Variants in RALGAPA1 observed in about 807,000 individuals in gnomAD.
The protein encoded by RALGAPA1 is Ral GTPase activating protein catalytic subunit alpha 1, also known as ral GTPase-activating protein subunit alpha-1.
In RALGAPA1, 52 loss-of-function variants were observed where a neutral mutation model predicts 269.6. That is an observed-to-expected ratio of 0.19 (90% CI 0.15 to 0.24). RALGAPA1 has a LOEUF of 0.24. Ranked by LOEUF, RALGAPA1 falls within the 10% of genes least tolerant of loss-of-function variation. RALGAPA1 has a pLI of 1.00. For synonymous variants in RALGAPA1, 817 were observed against 1,008.3 expected, an observed-to-expected ratio of 0.81 and a Z score of 3.60; for missense variants, 1,917 against 3,013.9, an observed-to-expected ratio of 0.64 and a Z score of 8.52.
At chr14:35,591,460 C>A (rs1273779886) in intron 37 of RALGAPA1, among the ~76,000 whole-genome samples, 1 of 152,028 alleles carries the variant, frequency 6.6e-6, no homozygotes, top group Non-Finnish European at 1.5e-5. Context: ...GGACTATAGG[C>A]ACATGCTACC....
At chr14:35,617,018 A>G (rs1430699736) in intron 35 of RALGAPA1, among the ~76,000 whole-genome samples, 1 of 152,236 alleles carries the variant, frequency 6.6e-6, no homozygotes, top group Non-Finnish European at 1.5e-5. Flanking sequence ...CAATAATGAT[A>G]ATAATAACTA....
chr14:35,636,563 C>T lies in RALGAPA1; in HGVS notation c.5677-965G>A, dbSNP rs367981744. Reference sequence around the variant, plus strand: ...TTTGAGACAGTCTTGCTCTGTCACCCAGGCTGGAGTGCAGTGGCATGATCT... The same window carrying T: ...TTTGAGACAGTCTTGCTCTGTCACCTAGGCTGGAGTGCAGTGGCATGATCT... On this transcript the variant is annotated intron_variant, in intron 31 of 41. Transcript: ENST00000680220. Among the ~76,000 whole-genome samples, 7 of 152,268 alleles carry T rather than the reference C, an allele frequency of 4.6e-5. No individual in the cohort carries two copies. In the East Asian group the frequency reaches 7.7e-4, roughly 17 times the overall value.
At chr14:35,711,455 T>A (rs894339325) in intron 16 of RALGAPA1, among the ~76,000 whole-genome samples, 1 of 152,228 alleles carries the variant, frequency 6.6e-6, no homozygotes, top group Non-Finnish European at 1.5e-5. Context: ...CCAAGTCTTC[T>A]TTTTCTTTTT....
intron 39 of RALGAPA1, among the ~76,000 whole-genome samples, chr14:35,567,941 G>A (rs2056844746): frequency 6.6e-6 from 1 of 152,106 alleles, no homozygotes; most frequent in Admixed American, 6.5e-5. Context: ...TGAAATGACA[G>A]AGGACACTCT....
intron 37 of RALGAPA1, among the ~76,000 whole-genome samples, chr14:35,584,525 A>G (rs1410830578): frequency 2.0e-5 from 3 of 152,210 alleles, no homozygotes; most frequent in Non-Finnish European, 4.4e-5. Flanking sequence ...TCTGCCTTCC[A>G]AAGTGCTGGG....
rs572824117 is a variant in RALGAPA1 at position 35,704,437 on chromosome 14, A to G, written c.2267-4135T>C. Reference sequence around the variant, plus strand: ...AGATAAAAGGATTATATCATGCTTAATATCTTTTAAATGCAGGTAAGTTCC... The same window carrying G: ...AGATAAAAGGATTATATCATGCTTAGTATCTTTTAAATGCAGGTAAGTTCC... On this transcript the variant is annotated intron_variant, in intron 16 of 41. Coordinates refer to ENST00000680220, the MANE Select transcript of RALGAPA1 (RefSeq NM_001346249.2). 6.6e-5 allele frequency among the ~76,000 whole-genome samples: 10 copies of G among 152,302 alleles called. 1 individual carries two copies. The South Asian group carries it at 2.1e-3, about 32-fold the overall frequency.
At chr14:35,691,083 AATAATAATT>A (rs1230833066) in intron 17 of RALGAPA1, among the ~76,000 whole-genome samples, 1 of 149,510 alleles carries the variant, frequency 6.7e-6, no homozygotes, top group Non-Finnish European at 1.5e-5. Context: ...TAATAATAAT[AATAATAATT>A]ATTATTATTA....
At chr14:35,661,445 G>T (rs537042451) in intron 27 of RALGAPA1, among the ~76,000 whole-genome samples, 1 of 152,178 alleles carries the variant, frequency 6.6e-6, no homozygotes, top group Non-Finnish European at 1.5e-5. Flanking sequence ...AGCAAACAGA[G>T]AAAACAAAAT....
At chr14:35,643,797 T>C (rs1312808203) in intron 31 of RALGAPA1, among the ~76,000 whole-genome samples, 1 of 152,110 alleles carries the variant, frequency 6.6e-6, no homozygotes, top group Non-Finnish European at 1.5e-5. Context: ...AAGACAAACA[T>C]TGCATGCTCT....
chr14:35,589,476 A>C (rs538302556), intron 37 of RALGAPA1, among the ~76,000 whole-genome samples: 2 of 152,178 alleles, frequency 1.3e-5, no homozygotes, highest in Non-Finnish European at 2.9e-5. Flanking sequence ...GCTATTCCAC[A>C]GTGTTTACAT....
chr14:35,633,652 C>T (rs931718454), intron 33 of RALGAPA1, among the ~76,000 whole-genome samples: 18 of 152,026 alleles, frequency 1.2e-4, no homozygotes, highest in Non-Finnish European at 2.1e-4. Flanking sequence ...TAAAAACAGG[C>T]GGTAGCAATG....
intron 39 of RALGAPA1, among the ~76,000 whole-genome samples, chr14:35,557,566 C>T (rs1447283919): frequency 6.6e-6 from 1 of 152,128 alleles, no homozygotes. Flanking sequence ...TAGGCATAGA[C>T]ACTGGACTTT....
At chr14:35,781,575 AATCT>A (rs34164383) in intron 1 of RALGAPA1, among the ~76,000 whole-genome samples, 93,635 of 150,658 alleles carry the variant, frequency 0.62, 32,011 homozygotes, top group Non-Finnish European at 0.77. Context: ...TAGAAAACTG[AATCT>A]ATCTATCTAT....
chr14:35,764,529 T>TTTTA (rs368091853), intron 4 of RALGAPA1, among the ~76,000 whole-genome samples: 3,436 of 151,796 alleles, frequency 0.023, 74 homozygotes, highest in African/African-American at 0.059. Flanking sequence ...TGCAGATAAG[T>TTTTA]TTTATTTATT....
At chr14:35,716,994 T>G (rs1488016002) in intron 16 of RALGAPA1, among the ~76,000 whole-genome samples, 1 of 152,182 alleles carries the variant, frequency 6.6e-6, no homozygotes, top group East Asian at 1.9e-4. Flanking sequence ...CCTTTACACA[T>G]TAATGTTTTT....
chr14:35,652,657 A>G (rs575073597), intron 30 of RALGAPA1, among the ~76,000 whole-genome samples: 1 of 152,174 alleles, frequency 6.6e-6, no homozygotes, highest in East Asian at 1.9e-4. Flanking sequence ...CGCCCACCTC[A>G]GCCTCCCAAA....
intron 26 of RALGAPA1, among the ~76,000 whole-genome samples, chr14:35,668,902 A>G (rs549336513): frequency 6.2e-4 from 94 of 152,150 alleles, no homozygotes; most frequent in Non-Finnish European, 1.1e-3. Flanking sequence ...TTTTTTAAAT[A>G]AAGTACCTTT....
intron 39 of RALGAPA1, among the ~76,000 whole-genome samples, chr14:35,557,753 T>A (rs1482547785): frequency 1.3e-5 from 2 of 152,218 alleles, no homozygotes; most frequent in African/African-American, 4.8e-5. Flanking sequence ...TTTACTGATT[T>A]TACAAAACAT....
At chr14:35,569,781 AC>A (rs2057022177) in intron 39 of RALGAPA1, among the ~76,000 whole-genome samples, 1 of 152,068 alleles carries the variant, frequency 6.6e-6, no homozygotes, top group African/African-American at 2.4e-5. Context: ...TGAGTGAGAG[AC>A]CCCTTGTTAC....
Sources: allele counts gnomAD v4.1 joint callset (sites outside exome capture counted in the v4.1 genomes callset), GRCh38; gene constraint gnomAD v4.1.1; transcripts MANE v1.5; gene names NCBI Gene and HGNC (gene_info 2026-07-23, HGNC 2026-07-21).